LRPPRC: variants seen among roughly 807,000 people sequenced by gnomAD.
LRPPRC encodes leucine rich pentatricopeptide repeat containing, also known as leucine-rich PPR motif-containing protein, mitochondrial.
Under a neutral mutation model 180.3 loss-of-function variants are expected in LRPPRC, and 120 were observed. The observed-to-expected ratio is 0.67, with a 90% CI of 0.57 to 0.77. LRPPRC has a LOEUF of 0.77. Ranked by LOEUF, LRPPRC falls within the 30% of genes least tolerant of loss-of-function variation. LRPPRC has a pLI of 0.00. For synonymous variants in LRPPRC, 723 were observed against 600.0 expected (o/e 1.21, Z -3.00); for missense variants, 2,012 against 1,657.2 (o/e 1.21, Z -3.72).
intron 14 of LRPPRC, among the ~76,000 whole-genome samples, chr2:43,954,487 T>C (rs185936240): frequency 5.3e-5 from 8 of 152,376 alleles, no homozygotes; most frequent in Non-Finnish European, 1.0e-4. Context: ...GGTACTCTCA[T>C]ACATTGCTGG....
chr2:43,889,289 TG>T (rs1340894945), intron 37 of LRPPRC, among the ~76,000 whole-genome samples: 2 of 108,112 alleles, frequency 1.8e-5, no homozygotes, highest in East Asian at 6.1e-4. Context: ...CACTCCAGCC[TG>T]GGCAACACAG....
chr2:43,950,722 G>T, intron 14 of LRPPRC, 122 bp from the exon 15 acceptor site: 2 of 759,426 alleles, frequency 2.6e-6, no homozygotes, highest in Admixed American at 2.0e-5. Context: ...GCTGTATCAG[G>T]ATGAATTTTC....
intron 15 of LRPPRC, among the ~76,000 whole-genome samples, chr2:43,950,227 T>G (rs1672845543): frequency 6.8e-6 from 1 of 147,614 alleles, no homozygotes. Flanking sequence ...ATTTCCAACT[T>G]TTATTTTAAG....
chr2:43,901,784 G>T, intron 31 of LRPPRC: 1 of 433,292 alleles, frequency 2.3e-6, no homozygotes, highest in Non-Finnish European at 4.2e-6. Flanking sequence ...GACAATATGA[G>T]TTCCATTTAG....
At chr2:43,899,702 A>T (rs1670818450) in intron 32 of LRPPRC, 97 bp from the exon 33 acceptor site, 1 of 754,768 alleles carries the variant, frequency 1.3e-6, no homozygotes, top group South Asian at 1.6e-5. Context: ...ACTCATGCTA[A>T]TACTTTAGGA....
chr2:43,965,447 A>C (rs1162214635), intron 11 of LRPPRC, among the ~76,000 whole-genome samples: 1 of 152,208 alleles, frequency 6.6e-6, no homozygotes, highest in Non-Finnish European at 1.5e-5. Flanking sequence ...AGAAGAAAAC[A>C]CTGGCCTTGA....
intron 30 of LRPPRC, among the ~76,000 whole-genome samples, chr2:43,912,056 TTGGTC>T (rs1267233639): frequency 1.3e-5 from 2 of 152,172 alleles, no homozygotes; most frequent in African/African-American, 4.8e-5. Flanking sequence ...GATTCAAATC[TTGGTC>T]TAAGTTCAAA....
chr2:43,964,507 C>A (rs755095331), intron 11 of LRPPRC, among the ~76,000 whole-genome samples: 137 of 152,070 alleles, frequency 9.0e-4, no homozygotes, highest in Non-Finnish European at 1.4e-3. Context: ...TATTAAAACT[C>A]CCCCTAAAAG....
intron 3 of LRPPRC, 109 bp from the exon 4 acceptor site, chr2:43,977,385 T>C (rs1674105916): frequency 2.3e-6 from 2 of 851,530 alleles, no homozygotes; most frequent in South Asian, 2.9e-5. Context: ...CTTTAGCATT[T>C]CACCCATCCA....
At chr2:43,964,258 T>C (rs566701060) in intron 11 of LRPPRC, among the ~76,000 whole-genome samples, 18 of 143,832 alleles carry the variant, frequency 1.3e-4, no homozygotes, top group African/African-American at 5.0e-4. Context: ...TCAAATAAGT[T>C]GTTTCCTCTA....
intron 12 of LRPPRC, among the ~76,000 whole-genome samples, chr2:43,961,166 A>C (rs1036452742): frequency 5.9e-5 from 9 of 152,218 alleles, no homozygotes; most frequent in African/African-American, 2.2e-4. Context: ...CCATACAATG[A>C]AACAGCATAC....
chr2:43,985,404 CAA>C (rs1032406652), intron 1 of LRPPRC, among the ~76,000 whole-genome samples: 36 of 152,168 alleles, frequency 2.4e-4, no homozygotes, highest in African/African-American at 8.0e-4. Flanking sequence ...CATGTTTTGA[CAA>C]ACATATGACA....
chr2:43,954,127 T>C (rs1673010509), intron 14 of LRPPRC, among the ~76,000 whole-genome samples: 2 of 152,238 alleles, frequency 1.3e-5, no homozygotes, highest in South Asian at 2.1e-4. Flanking sequence ...CTTTGACTCC[T>C]TCCAGTAACT....
intron 9 of LRPPRC, 112 bp downstream of exon 9, chr2:43,974,038 A>T: frequency 8.0e-7 from 1 of 1,251,116 alleles, no homozygotes; most frequent in Admixed American, 1.7e-5. Context: ...GCAACACAAG[A>T]ACATTGTTAT....
intron 13 of LRPPRC, among the ~76,000 whole-genome samples, chr2:43,959,703 T>C (rs191495142): frequency 2.9e-3 from 445 of 152,010 alleles, no homozygotes; most frequent in Admixed American, 5.4e-3. Flanking sequence ...TCAGGAGTGG[T>C]GAAACTCTGT....
chr2:43,946,027 GA>G, intron 21 of LRPPRC, 85 bp downstream of exon 21: 2 of 1,340,904 alleles, frequency 1.5e-6, no homozygotes, highest in East Asian at 4.6e-5. Flanking sequence ...CATTATATAA[GA>G]GAGTAATATT....
chr2:43,969,315 G>A (rs1022214269), intron 11 of LRPPRC, among the ~76,000 whole-genome samples: 1 of 152,018 alleles, frequency 6.6e-6, no homozygotes, highest in African/African-American at 2.4e-5. Flanking sequence ...GGGAGGCTGA[G>A]GCAGGAGAAT....
At chr2:43,985,811 A>G (rs1674504334) in intron 1 of LRPPRC, among the ~76,000 whole-genome samples, 1 of 152,228 alleles carries the variant, frequency 6.6e-6, no homozygotes, top group Non-Finnish European at 1.5e-5. Context: ...AGGTTTTGGT[A>G]TGGACATGCA....
chr2:43,970,927 C>G (rs1057176905), intron 11 of LRPPRC, among the ~76,000 whole-genome samples: 5 of 151,988 alleles, frequency 3.3e-5, no homozygotes, highest in Non-Finnish European at 7.4e-5. Context: ...GGTGAAACCC[C>G]GTCTCTACTA....
Sources: allele counts gnomAD v4.1 joint callset (sites outside exome capture counted in the v4.1 genomes callset), GRCh38; gene constraint gnomAD v4.1.1; transcripts MANE v1.5; gene names NCBI Gene and HGNC (gene_info 2026-07-23, HGNC 2026-07-21).